The following ZNF831 variants were observed in gnomAD, a reference collection of about 807,000 sequenced individuals.
ZNF831 encodes the protein chromosome 20 open reading frame 174.
In ZNF831, 59 loss-of-function variants were observed where a neutral mutation model predicts 95.8. That is an observed-to-expected ratio of 0.62 (90% confidence interval 0.50 to 0.77). The LOEUF (loss-of-function observed/expected upper bound fraction) is 0.77. Ranked by LOEUF, ZNF831 falls within the 30% of genes least tolerant of loss-of-function variation. The pLI, the probability that ZNF831 is intolerant of heterozygous loss-of-function variation, is 0.00. For synonymous variants in ZNF831, 961 were observed against 925.5 expected (o/e 1.04, Z -0.70); for missense variants, 2,205 against 2,164.0 (o/e 1.02, Z -0.38).
intron 4 of ZNF831, among the ~76,000 whole-genome samples, chr20:59,237,656 T>C (rs1012692136): frequency 2.6e-5 from 4 of 152,224 alleles, no homozygotes; most frequent in Non-Finnish European, 5.9e-5. Flanking sequence ...CGGGAGCTCA[T>C]GGAAGTTATT....
chr20:59,134,450 G>C (rs180858447), intron 1 of ZNF831, among the ~76,000 whole-genome samples: 1 of 152,352 alleles, frequency 6.6e-6, no homozygotes, highest in East Asian at 1.9e-4. Flanking sequence ...AGGGAAAACA[G>C]CTGCATGGGT....
chr20:59,217,878 G>T lies in ZNF831; in HGVS notation c.4027+10822G>T, dbSNP rs540696626. 7.9e-5 allele frequency among the ~76,000 whole-genome samples: 12 copies of T among 152,308 alleles called. No individual in the cohort carries two copies. The highest frequency in any genetic ancestry group is 1.3e-4 in the Non-Finnish European group (9 of 68,024). On this transcript the variant is annotated intron_variant, in intron 4 of 5. Transcript: ENST00000371030. This position sits in a 1 kb window ranked among gnomAD's most constrained non-coding sequence, Gnocchi z 4.4. ...ATTCTCACCAAATATTAATAGATGT[G>T]TTCCTCAGCAGAGGCACGATGGATC...
chr20:59,141,974 G>C (rs940383905), intron 1 of ZNF831, among the ~76,000 whole-genome samples: 2 of 152,200 alleles, frequency 1.3e-5, no homozygotes, highest in African/African-American at 2.4e-5. Context: ...CTGGCTCTAC[G>C]TGTCTGGGGA....
chr20:59,241,534 TATATA>T (rs1324401644), intron 4 of ZNF831, among the ~76,000 whole-genome samples: 1 of 152,196 alleles, frequency 6.6e-6, no homozygotes, highest in African/African-American at 2.4e-5. Flanking sequence ...ATAAGAAACA[TATATA>T]AGAAAACTTT....
chr20:59,240,576 C>T (rs925356797), intron 4 of ZNF831, among the ~76,000 whole-genome samples: 10 of 151,778 alleles, frequency 6.6e-5, no homozygotes, highest in East Asian at 1.9e-4. Context: ...CTGAGGCGGG[C>T]GGATCACGAG....
intron 1 of ZNF831, among the ~76,000 whole-genome samples, chr20:59,180,033 G>A (rs1982492227): frequency 1.3e-5 from 2 of 152,206 alleles, no homozygotes; most frequent in African/African-American, 4.8e-5. Context: ...AAGAGTGAAG[G>A]TAATTTTGAA....
chr20:59,135,469 C>T (rs145490617), intron 1 of ZNF831, among the ~76,000 whole-genome samples: 2,615 of 152,204 alleles, frequency 0.017, 68 homozygotes, highest in African/African-American at 0.059. Flanking sequence ...CAGTGGCTCA[C>T]GCCTGTAATC....
At chr20:59,240,530 G>A (rs1262875952) in intron 4 of ZNF831, among the ~76,000 whole-genome samples, 43 of 152,118 alleles carry the variant, frequency 2.8e-4, no homozygotes, top group Admixed American at 2.8e-3. Context: ...GGCCGGGCGC[G>A]GTGGCTCACT....
chr20:59,143,214 A>G (rs1220288313), intron 1 of ZNF831, among the ~76,000 whole-genome samples: 2 of 151,962 alleles, frequency 1.3e-5, no homozygotes, highest in African/African-American at 4.8e-5. Context: ...TTTGTTTTTT[A>G]TTTGCCATTT....
intron 1 of ZNF831, among the ~76,000 whole-genome samples, chr20:59,167,561 C>T (rs1981380344): frequency 6.6e-6 from 1 of 151,934 alleles, no homozygotes; most frequent in Admixed American, 6.5e-5. Context: ...TGCTTTTTTT[C>T]CCCTAAGCTT....
intron 1 of ZNF831, among the ~76,000 whole-genome samples, chr20:59,134,401 G>T (rs868328769): frequency 6.6e-6 from 1 of 152,240 alleles, no homozygotes; most frequent in Non-Finnish European, 1.5e-5. Flanking sequence ...CATGTAGAAC[G>T]TCATTGATTG....
chr20:59,152,322 C>A (rs1471255509), intron 2 of ZNF831, among the ~76,000 whole-genome samples: 1 of 150,940 alleles, frequency 6.6e-6, no homozygotes, highest in Admixed American at 6.6e-5. Flanking sequence ...TGGGAGATCA[C>A]CACTTACAGG....
At chr20:59,226,593 G>A (rs1011997348) in intron 4 of ZNF831, among the ~76,000 whole-genome samples, 2 of 150,964 alleles carry the variant, frequency 1.3e-5, no homozygotes, top group African/African-American at 4.9e-5. Context: ...AAATTTTGGG[G>A]CCAACCCGAA....
intron 4 of ZNF831, among the ~76,000 whole-genome samples, chr20:59,215,949 C>T (rs1005748972): frequency 1.3e-5 from 2 of 152,160 alleles, no homozygotes; most frequent in Non-Finnish European, 2.9e-5. Flanking sequence ...AATACCCCTT[C>T]TGCTAAAAAG....
chr20:59,225,444 A>C (rs528422173), intron 4 of ZNF831, among the ~76,000 whole-genome samples: 1 of 152,320 alleles, frequency 6.6e-6, no homozygotes, highest in East Asian at 1.9e-4. Context: ...CCAAGCAGTC[A>C]TCTGTGTAGT....
intron 3 of ZNF831, among the ~76,000 whole-genome samples, chr20:59,203,752 G>T (rs1372593707): frequency 6.6e-6 from 1 of 151,990 alleles, no homozygotes; most frequent in Non-Finnish European, 1.5e-5. Flanking sequence ...TAATGAAAAT[G>T]GTTGTTTTCA....
At chr20:59,189,039 G>T (rs911125893) in intron 1 of ZNF831, among the ~76,000 whole-genome samples, 2 of 151,964 alleles carry the variant, frequency 1.3e-5, no homozygotes, top group Non-Finnish European at 1.5e-5. Flanking sequence ...AAATTAGCTG[G>T]GCATGGTGGC....
intron 1 of ZNF831, among the ~76,000 whole-genome samples, chr20:59,124,347 C>T (rs1220182463): frequency 1.3e-5 from 2 of 152,252 alleles, no homozygotes; most frequent in Non-Finnish European, 1.5e-5. Flanking sequence ...GGTACAGAGT[C>T]TGATTTTGAA....
rs769928461 is a variant in ZNF831, at chr20:59,193,897, C to A, written c.2878C>A (p.Pro960Thr). ...CTTACCACTGCCCATTCCCTGGGGA[C>A]CAAGGCACAGCCAGGACTCTCTCTG... ...TPLPLPIPWGPRHSQDSLCSS... is the reference protein window; with the variant it reads ...TPLPLPIPWGTRHSQDSLCSS... Residue 960 changes from proline to threonine, a missense_variant, in exon 2 of 6, where the codon CCA (proline) becomes ACA (threonine). By Grantham distance (38) the Pro-to-Thr change is conservative. Transcript: ENST00000371030. 1 of 1,606,862 alleles carries A rather than the reference C, an allele frequency of 6.2e-7. No homozygotes were observed.
Sources: gnomAD v4.1 joint callset for allele counts (sites outside exome capture counted in the v4.1 genomes callset) on GRCh38, gnomAD v4.1.1 for gene constraint, Gnocchi (gnomAD v3.1) non-coding constraint, MANE v1.5 for transcripts, NCBI Gene and HGNC (gene_info 2026-07-23, HGNC 2026-07-21) for gene names.